Variants in FGF12 observed in about 807,000 individuals in gnomAD.
FGF12 encodes fibroblast growth factor 12B.
A neutral mutation model predicts 23.6 loss-of-function variants in FGF12; 14 were observed. The ratio of observed to expected loss-of-function variants is 0.59; its 90% CI spans 0.39 to 0.93. The LOEUF is 0.93. Among genes scored for constraint, FGF12 ranks in the 40% least tolerant of loss-of-function variants. The probability of loss-of-function intolerance (pLI) is 0.00; values close to 1 mark genes in which losing one functional copy is unlikely to be tolerated. For missense variants in FGF12, 175 were observed against 217.8 expected (o/e 0.80, Z 1.24); for synonymous variants, 62 against 77.3 (o/e 0.80, Z 1.04).
At chr3:192,579,872 A>G (rs1490118006) in intron 2 of FGF12, among the ~76,000 whole-genome samples, 1 of 152,074 alleles carries the variant, frequency 6.6e-6, no homozygotes, top group African/African-American at 2.4e-5. Context: ...ACCTGGCCCC[A>G]CATGTTATTC....
intron 2 of FGF12, among the ~76,000 whole-genome samples, chr3:192,465,833 T>G (rs759819732): frequency 1.3e-5 from 2 of 152,184 alleles, no homozygotes; most frequent in Non-Finnish European, 1.5e-5. Flanking sequence ...CCCTCAGTGC[T>G]CCCTCAGAGG....
intron 2 of FGF12, among the ~76,000 whole-genome samples, chr3:192,693,751 C>T (rs1718019181): frequency 6.6e-6 from 1 of 152,070 alleles, no homozygotes; most frequent in Non-Finnish European, 1.5e-5. Context: ...ATACTCAACT[C>T]AATATGAATT....
In FGF12 at chr3:192,216,383, A is replaced by G. The variant is rs546279871; in HGVS notation, c.229-45727T>C. On this transcript the variant is annotated intron_variant, in intron 4 of 5. Coordinates refer to ENST00000445105, the MANE Select transcript of FGF12 (RefSeq NM_004113.6). ...ACTATCCATTGTCTTTAACAACAAA[A>G]TGGAAATTATTTTTCCAGCTCTTAG... Among the ~76,000 whole-genome samples, 35 of 152,318 alleles carry G rather than the reference A, an allele frequency of 2.3e-4. No homozygotes were observed. In the South Asian group the frequency reaches 6.6e-3, roughly 29 times the overall value.
intron 2 of FGF12, among the ~76,000 whole-genome samples, chr3:192,397,946 T>TA (rs1680450853): frequency 8.6e-6 from 1 of 115,796 alleles, no homozygotes; most frequent in African/African-American, 3.9e-5. Flanking sequence ...CCAGTGCAAT[T>TA]TAAAAAAAAA....
At chr3:192,467,449 C>G (rs1723043508) in intron 2 of FGF12, among the ~76,000 whole-genome samples, 1 of 152,148 alleles carries the variant, frequency 6.6e-6, no homozygotes, top group Non-Finnish European at 1.5e-5. Context: ...CAGATGATGG[C>G]AGCAGAGTTC....
intron 2 of FGF12, among the ~76,000 whole-genome samples, chr3:192,671,622 C>T (rs972230045): frequency 6.6e-6 from 1 of 152,078 alleles, no homozygotes; most frequent in Non-Finnish European, 1.5e-5. Context: ...ACATGAAATG[C>T]CCTTTATGAT....
Position 192,564,224 on chromosome 3 carries a change from C to T in FGF12, c.13+162957G>A, listed in dbSNP as rs150099962. On this transcript the variant is annotated intron_variant, in intron 2 of 5. Transcript: ENST00000445105. ...GATTACAGGCGCCCGCCACCATGCC[C>T]GGCTAATTTGTGTATTTTTAGTAGA... is the stretch of plus-strand genomic sequence containing the variant. Among the ~76,000 whole-genome samples, 51 of 152,068 alleles carry T rather than the reference C, an allele frequency of 3.4e-4. No individual in the cohort carries two copies. The South Asian group carries it at 5.4e-3, about 16-fold the overall frequency.
chr3:192,530,566 A>T (rs1725061849), intron 2 of FGF12, among the ~76,000 whole-genome samples: 1 of 152,210 alleles, frequency 6.6e-6, no homozygotes, highest in Middle Eastern at 3.2e-3. Context: ...CTGTATCTAT[A>T]AAATATTTAA....
At chr3:192,299,095 G>A (rs112885401) in intron 4 of FGF12, among the ~76,000 whole-genome samples, 52 of 152,294 alleles carry the variant, frequency 3.4e-4, no homozygotes, top group African/African-American at 1.3e-3. Flanking sequence ...ATTTGAAGGG[G>A]ACAAATATCC....
chr3:192,637,888 T>C (rs1358165391), intron 2 of FGF12, among the ~76,000 whole-genome samples: 4 of 152,182 alleles, frequency 2.6e-5, no homozygotes, highest in African/African-American at 9.7e-5. Context: ...TCAAGTATAA[T>C]CGTCCAATTT....
chr3:192,581,869 C>A (rs916195786), intron 2 of FGF12, among the ~76,000 whole-genome samples: 1 of 152,012 alleles, frequency 6.6e-6, no homozygotes. Flanking sequence ...TCTTTAATTA[C>A]CTAAAAGATT....
At position 192,316,070 on chromosome 3, in the gene FGF12, C is replaced by G. The variant is rs897606176; in HGVS notation, c.228+19291G>C. ...CTCCCCATGTTTTGAACCAGACCTC[C>G]TGTCCTCTGAATGTTGGAATCATTA... On this transcript the variant is annotated intron_variant, in intron 4 of 5. Coordinates refer to ENST00000445105, the MANE Select transcript of FGF12 (RefSeq NM_004113.6). 5.3e-5 allele frequency among the ~76,000 whole-genome samples: 8 copies of G among 152,122 alleles called. No homozygotes were observed. In the East Asian group the frequency reaches 1.2e-3, roughly 22 times the overall value.
At chr3:192,588,504 T>G (rs1038899954) in intron 2 of FGF12, among the ~76,000 whole-genome samples, 1 of 151,650 alleles carries the variant, frequency 6.6e-6, no homozygotes, top group Admixed American at 6.6e-5. Flanking sequence ...GATAAAAAAA[T>G]TAAATAAAAT....
intron 2 of FGF12, among the ~76,000 whole-genome samples, chr3:192,423,389 A>G (rs1268149749): frequency 1.3e-5 from 2 of 152,198 alleles, no homozygotes; most frequent in Admixed American, 1.3e-4. Context: ...GCGACTTAAC[A>G]CAGCATTAAG....
chr3:192,170,071 A>G (rs1715459306), intron 5 of FGF12, among the ~76,000 whole-genome samples: 1 of 147,360 alleles, frequency 6.8e-6, no homozygotes, highest in Admixed American at 6.9e-5. Flanking sequence ...TCTACTTTCA[A>G]AATTTTTCCG....
At chr3:192,684,256 C>T (rs558111193) in intron 2 of FGF12, among the ~76,000 whole-genome samples, 1 of 152,194 alleles carries the variant, frequency 6.6e-6, no homozygotes, top group Admixed American at 6.5e-5. Context: ...GCTGTCCAAG[C>T]TGCCTGTGTT....
Position 192,154,877 on chromosome 3 carries a change from A to G in FGF12, c.428-10750T>C, listed in dbSNP as rs13087180. 6.1e-3 allele frequency among the ~76,000 whole-genome samples: 774 copies of G among 127,338 alleles called. 13 individuals are homozygous for G. The highest frequency in any genetic ancestry group is 0.02 in the African/African-American group (675 of 34,360). The allele number at this position is 127,338 out of a possible 152,430, so 83.5% of individuals were successfully genotyped here. A position where few individuals can be genotyped will look rare whatever the true frequency, so the allele number is the denominator to read the frequency against. On this transcript the variant is annotated intron_variant, in intron 5 of 5. Coordinates refer to ENST00000445105, the MANE Select transcript of FGF12 (RefSeq NM_004113.6). Reference sequence around the variant, plus strand: ...CTTCCCGGCTGCTTTGTTTACCTAAACAAGCCTGGGCAATGGCGGGCGCCC... The same window carrying G: ...CTTCCCGGCTGCTTTGTTTACCTAAGCAAGCCTGGGCAATGGCGGGCGCCC...
chr3:192,353,425 A>T (rs1228444500), intron 3 of FGF12, among the ~76,000 whole-genome samples: 3 of 130,138 alleles, frequency 2.3e-5, no homozygotes, highest in African/African-American at 9.1e-5. Flanking sequence ...GCTGGAGTGC[A>T]GTGGCACGAT....
At chr3:192,597,672 C>T (rs1009909637) in intron 2 of FGF12, among the ~76,000 whole-genome samples, 1 of 152,046 alleles carries the variant, frequency 6.6e-6, no homozygotes, top group African/African-American at 2.4e-5. Context: ...GAAGAAAAGT[C>T]GGAGAAACTG....
Sources: allele counts gnomAD v4.1 joint callset (sites outside exome capture counted in the v4.1 genomes callset), GRCh38; gene constraint gnomAD v4.1.1; transcripts MANE v1.5; gene names NCBI Gene and HGNC (gene_info 2026-07-23, HGNC 2026-07-21).